NSUN3: variants seen among roughly 807,000 people sequenced by gnomAD.
NSUN3 encodes NOP2/Sun RNA methyltransferase 3, also known as tRNA (cytosine(34)-C(5))-methyltransferase, mitochondrial.
A neutral mutation model predicts 36.8 loss-of-function variants in NSUN3; 24 were observed. The observed-to-expected ratio is 0.65, with a 90% CI of 0.47 to 0.92. The LOEUF (loss-of-function observed/expected upper bound fraction) is 0.92, where lower values mean the gene tolerates loss of function less well. Among genes scored for constraint, NSUN3 ranks in the 40% least tolerant of loss-of-function variants. The probability of loss-of-function intolerance (pLI) is 0.00; values close to 1 mark genes in which losing one functional copy is unlikely to be tolerated. For missense variants in NSUN3, 381 were observed against 392.8 expected, an observed-to-expected ratio of 0.97 and a Z score of 0.25; for synonymous variants, 146 against 145.2, an observed-to-expected ratio of 1.01 and a Z score of -0.04.
chr3:94,075,659 T>A (rs1166252921), intron 2 of NSUN3, among the ~76,000 whole-genome samples: 1 of 152,182 alleles, frequency 6.6e-6, no homozygotes, highest in South Asian at 2.1e-4. Context: ...GTAGCTACTT[T>A]AGACCAGGGT....
At chr3:94,116,307 G>A (rs562325833) in intron 5 of NSUN3, among the ~76,000 whole-genome samples, 1 of 152,250 alleles carries the variant, frequency 6.6e-6, no homozygotes, top group South Asian at 2.1e-4. Flanking sequence ...CTTCATCCTT[G>A]AAGGCAAAGC....
intron 1 of NSUN3, 106 bp downstream of exon 1, chr3:94,063,244 C>A: frequency 1.8e-6 from 2 of 1,104,278 alleles, no homozygotes; most frequent in Non-Finnish European, 2.8e-6. Flanking sequence ...CACCTTTGTT[C>A]GTCCCCTCGC....
intron 2 of NSUN3, chr3:94,075,876 G>A (rs2077243635): frequency 7.3e-6 from 9 of 1,233,180 alleles, no homozygotes; most frequent in African/African-American, 3.0e-5. Flanking sequence ...GAAAAAAAGG[G>A]GAGTCTAAAA....
rs1423856355 is a variant in NSUN3, at chr3:94,126,598, A to C, written c.*108A>C. 1.0e-6 allele frequency: 1 copy of C among 1,000,906 alleles called. No homozygotes were observed. The highest frequency in any genetic ancestry group is 1.4e-6 in the Non-Finnish European group (1 of 689,828). 62.0% of individuals were successfully genotyped at this position (1,000,906 alleles called of 1,614,324 possible). ...GTAACTTTCTCTGGGTCTGTTTGGAATCCTATTTAGTTAATACTTTAGCAT... is the reference window on the plus strand; with the variant it reads ...GTAACTTTCTCTGGGTCTGTTTGGACTCCTATTTAGTTAATACTTTAGCAT... On this transcript the variant is annotated 3_prime_UTR_variant, in exon 6 of 6. Coordinates refer to ENST00000314622, the MANE Select transcript of NSUN3 (RefSeq NM_022072.5).
intron 5 of NSUN3, among the ~76,000 whole-genome samples, chr3:94,116,045 T>G (rs540743021): frequency 6.6e-6 from 1 of 152,336 alleles, no homozygotes; most frequent in Non-Finnish European, 1.5e-5. Flanking sequence ...TCAAGATCAT[T>G]GAACTTATGC....
intron 5 of NSUN3, among the ~76,000 whole-genome samples, chr3:94,122,653 G>C (rs1488231859): frequency 6.6e-6 from 1 of 151,784 alleles, no homozygotes; most frequent in Non-Finnish European, 1.5e-5. Flanking sequence ...CACCTTTTTT[G>C]TCTTTTTTTC....
chr3:94,077,419 C>A (rs2077250906), intron 2 of NSUN3, among the ~76,000 whole-genome samples: 1 of 152,100 alleles, frequency 6.6e-6, no homozygotes, highest in Non-Finnish European at 1.5e-5. Context: ...TGTGTCTCTG[C>A]CAGGTTTTTG....
rs565721503 is a variant in NSUN3, at chr3:94,066,960, C to T, written c.122+2414C>T. On this transcript the variant is annotated intron_variant, in intron 2 of 5. Transcript: ENST00000314622. ...GCAACTGCCCTCAGCTCCTGGGAGG[C>T]GATCTCTAAGCCCTTGGAATGTGCT... Among the ~76,000 whole-genome samples the T allele has an allele frequency of 8.5e-5, 13 of 152,252 alleles. 1 individual carries two copies. The highest frequency in any genetic ancestry group is 5.9e-4 in the Admixed American group (9 of 15,286).
At chr3:94,068,765 A>C (rs938779676) in intron 2 of NSUN3, among the ~76,000 whole-genome samples, 7 of 143,232 alleles carry the variant, frequency 4.9e-5, no homozygotes, top group Non-Finnish European at 1.1e-4. Context: ...GAGAGTTCAC[A>C]TACAGAGAGG....
intron 2 of NSUN3, among the ~76,000 whole-genome samples, chr3:94,083,111 T>TC (rs2077277184): frequency 6.6e-6 from 1 of 151,906 alleles, no homozygotes; most frequent in South Asian, 2.1e-4. Context: ...CTGCCTTTTT[T>TC]TTTTTTTTTT....
chr3:94,128,583 G>GTGTGTATA lies in NSUN3; in HGVS notation c.*2094_*2095insGTGTATAT, dbSNP rs1491231480. 1 of 85,122 alleles carries GTGTGTATA rather than the reference G, an allele frequency of 1.2e-5. No individual in the cohort carries two copies. The highest frequency in any genetic ancestry group is 2.8e-5 in the Non-Finnish European group (1 of 35,986). The allele number at this position is 85,122 out of a possible 1,614,324, so 5.3% of individuals were successfully genotyped here. ...TGTGTGTGTGTGTGTGTGTGTGTGT[G>GTGTGTATA]TATATATATATATATATATAATTTT... On this transcript the variant is annotated 3_prime_UTR_variant, in exon 6 of 6. Coordinates refer to ENST00000314622, the MANE Select transcript of NSUN3 (RefSeq NM_022072.5).
chr3:94,112,835 A>G (rs1419710322), intron 5 of NSUN3, among the ~76,000 whole-genome samples: 1 of 152,224 alleles, frequency 6.6e-6, no homozygotes, highest in Non-Finnish European at 1.5e-5. Context: ...TTCCTTGATC[A>G]GGTAATGCTG....
rs759270991 is a variant in NSUN3 at position 94,094,255 on chromosome 3, C to T, written c.582C>T (p.Gly194=). ...TAATTAAAGTGTCTGAATTGGATGG[C>T]AGAAAAATGGGAGATGCCCAGCCTG... ...INVIKVSELD[G]RKMGDAQPEM... The change falls in exon 4 of 6, where the codon GGC becomes GGT. Residue 194 remains glycine (G), a synonymous_variant. Transcript: ENST00000314622. The T allele has an allele frequency of 6.2e-7, 1 of 1,612,724 alleles. No homozygotes were observed. The highest frequency in any genetic ancestry group is 1.3e-5 in the African/African-American group (1 of 74,852).
chr3:94,123,058 T>C (rs2077470761), intron 5 of NSUN3, among the ~76,000 whole-genome samples: 1 of 152,220 alleles, frequency 6.6e-6, no homozygotes, highest in African/African-American at 2.4e-5. Context: ...ATGAGACAAG[T>C]TGATCTCTCC....
At chr3:94,096,603 A>G (rs1195201147) in intron 5 of NSUN3, among the ~76,000 whole-genome samples, 1 of 152,016 alleles carries the variant, frequency 6.6e-6, no homozygotes, top group Non-Finnish European at 1.5e-5. Context: ...GGTTCAAGCG[A>G]TTCTCATGCC....
intron 2 of NSUN3, among the ~76,000 whole-genome samples, chr3:94,083,204 C>A (rs187045598): frequency 2.0e-5 from 3 of 151,836 alleles, no homozygotes; most frequent in Admixed American, 2.0e-4. Context: ...CCTCAAAAAC[C>A]TCAGTAATCA....
In NSUN3 at chr3:94,130,884, T is replaced by C. The variant is rs1438356523; in HGVS notation, c.*4394T>C. Among the ~76,000 whole-genome samples the C allele has an allele frequency of 6.6e-6, 1 of 152,160 alleles. No individual in the cohort carries two copies. Among genetic ancestry groups the C allele is most frequent in the Non-Finnish European group, 1.5e-5 (1 of 68,022 alleles). On this transcript the variant is annotated 3_prime_UTR_variant, in exon 6 of 6. Coordinates refer to ENST00000314622, the MANE Select transcript of NSUN3 (RefSeq NM_022072.5). ...GCCAGTCCTGCAAAGCCAGCAAAGT[T>C]TCATTTTCATTCAACCCTTTTTTTT... is the stretch of plus-strand genomic sequence containing the variant.
intron 2 of NSUN3, among the ~76,000 whole-genome samples, chr3:94,081,413 C>A (rs1348827850): frequency 6.6e-6 from 1 of 152,188 alleles, no homozygotes. Flanking sequence ...CTCTCTCCCC[C>A]TAAAGTTTTT....
At chr3:94,109,790 T>C (rs534915471) in intron 5 of NSUN3, among the ~76,000 whole-genome samples, 9 of 152,166 alleles carry the variant, frequency 5.9e-5, no homozygotes, top group Non-Finnish European at 1.2e-4. Flanking sequence ...TAACAATATA[T>C]GTGTACACTA....
Sources: gnomAD v4.1 joint callset for allele counts (sites outside exome capture counted in the v4.1 genomes callset) on GRCh38, gnomAD v4.1.1 for gene constraint, MANE v1.5 for transcripts, NCBI Gene and HGNC (gene_info 2026-07-23, HGNC 2026-07-21) for gene names.